SHISA9: variants seen among roughly 807,000 people sequenced by gnomAD.
SHISA9 encodes protein shisa-9.
Under a neutral mutation model 38.0 loss-of-function variants are expected in SHISA9, and 13 were observed. That is an observed-to-expected ratio of 0.34 (90% CI 0.22 to 0.54). The LOEUF (loss-of-function observed/expected upper bound fraction) is 0.54, where lower values mean the gene tolerates loss of function less well. Among genes scored for constraint, SHISA9 ranks in the 20% least tolerant of loss-of-function variants. SHISA9 has a pLI of 0.91. For missense variants in SHISA9, 538 were observed against 575.8 expected (o/e 0.93, Z 0.67); for synonymous variants, 275 against 242.0 (o/e 1.14, Z -1.27).
intron 2 of SHISA9, among the ~76,000 whole-genome samples, chr16:13,085,006 G>A (rs1370595885): frequency 2.0e-5 from 3 of 152,130 alleles, no homozygotes; most frequent in Non-Finnish European, 4.4e-5. Flanking sequence ...TTTAATAAAA[G>A]GGAAGACATA....
chr16:13,344,596 T>A, the SHISA9 span, among the ~76,000 whole-genome samples: 1 of 152,162 alleles, frequency 6.6e-6, no homozygotes, highest in Non-Finnish European at 1.5e-5. Flanking sequence ...TTGATAATAA[T>A]GATAACAGTA....
intron 4 of SHISA9, among the ~76,000 whole-genome samples, chr16:13,234,759 G>C (rs934437798): frequency 2.6e-5 from 4 of 152,118 alleles, no homozygotes; most frequent in African/African-American, 2.4e-5. Flanking sequence ...GTGGGACTGT[G>C]GGGGGAGAAG....
At chr16:12,999,930 AC>A (rs1949681877) in intron 2 of SHISA9, among the ~76,000 whole-genome samples, 1 of 152,212 alleles carries the variant, frequency 6.6e-6, no homozygotes, top group Non-Finnish European at 1.5e-5. Flanking sequence ...GCTGGGAAAT[AC>A]AGTTATTCAG....
chr16:13,320,578 G>T, the SHISA9 span, among the ~76,000 whole-genome samples: 4 of 152,314 alleles, frequency 2.6e-5, no homozygotes, highest in Admixed American at 1.3e-4. Context: ...TGTAGTTGCT[G>T]ATGAATACAG....
intron 2 of SHISA9, among the ~76,000 whole-genome samples, chr16:13,093,065 T>C (rs1314679316): frequency 6.6e-6 from 1 of 152,204 alleles, no homozygotes; most frequent in Non-Finnish European, 1.5e-5. Flanking sequence ...TGATCTGGTA[T>C]GGAAAGGAAT....
the SHISA9 span, among the ~76,000 whole-genome samples, chr16:13,492,776 T>G: frequency 6.6e-6 from 1 of 152,206 alleles, no homozygotes; most frequent in Non-Finnish European, 1.5e-5. Flanking sequence ...AGCAGAATGT[T>G]TTGACCTTTC....
intron 4 of SHISA9, among the ~76,000 whole-genome samples, chr16:13,228,486 C>G (rs935545462): frequency 2.0e-5 from 3 of 152,156 alleles, no homozygotes; most frequent in Admixed American, 2.0e-4. Context: ...GAAACAGGAA[C>G]CATTGAATGC....
the SHISA9 span, among the ~76,000 whole-genome samples, chr16:13,307,982 C>G: frequency 6.6e-6 from 1 of 152,196 alleles, no homozygotes. Context: ...CGCATATATT[C>G]TGAGTGCCAT....
chr16:13,212,896 C>A (rs1175998543), intron 3 of SHISA9, among the ~76,000 whole-genome samples: 2 of 152,176 alleles, frequency 1.3e-5, no homozygotes, highest in African/African-American at 4.8e-5. Context: ...AAGGTGAGCT[C>A]ATATAACTCA....
At chr16:13,356,806 C>T in the SHISA9 span, among the ~76,000 whole-genome samples, 1 of 152,212 alleles carries the variant, frequency 6.6e-6, no homozygotes, top group African/African-American at 2.4e-5. Flanking sequence ...ACGTCAGGCA[C>T]CTCAGACCGT....
chr16:12,975,176 A>G (rs1379846653), intron 2 of SHISA9, among the ~76,000 whole-genome samples: 1 of 152,184 alleles, frequency 6.6e-6, no homozygotes, highest in South Asian at 2.1e-4. Flanking sequence ...AACTGTACCC[A>G]GTGGAAGAGG....
chr16:12,930,410 A>G (rs561153255), intron 2 of SHISA9, among the ~76,000 whole-genome samples: 1 of 152,364 alleles, frequency 6.6e-6, no homozygotes, highest in East Asian at 1.9e-4. Flanking sequence ...TACATATTCC[A>G]GCATTACCTG....
chr16:13,422,364 A>G, the SHISA9 span, among the ~76,000 whole-genome samples: 1 of 152,190 alleles, frequency 6.6e-6, no homozygotes, highest in African/African-American at 2.4e-5. Context: ...ACATTCACAT[A>G]GCCTGGAGAA....
At chr16:12,978,693 C>T (rs1002532562) in intron 2 of SHISA9, among the ~76,000 whole-genome samples, 20 of 152,166 alleles carry the variant, frequency 1.3e-4, no homozygotes, top group African/African-American at 4.3e-4. Flanking sequence ...TTGACATCAT[C>T]GTAGACCATT....
At chr16:13,021,393 G>T (rs1343969669) in intron 2 of SHISA9, among the ~76,000 whole-genome samples, 1 of 152,196 alleles carries the variant, frequency 6.6e-6, no homozygotes, top group African/African-American at 2.4e-5. Flanking sequence ...TGCTCTAGAA[G>T]TTCTCCTGAG....
chr16:13,328,591 TACACACACACACACACACACAC>T, the SHISA9 span, among the ~76,000 whole-genome samples: 5 of 139,968 alleles, frequency 3.6e-5, no homozygotes, highest in Admixed American at 7.3e-5. Context: ...TATATGTGTA[TACACACACACACACACACACAC>T]ACACACACAC....
chr16:13,119,434 G>C (rs1419374697), intron 2 of SHISA9, among the ~76,000 whole-genome samples: 1 of 152,094 alleles, frequency 6.6e-6, no homozygotes, highest in Non-Finnish European at 1.5e-5. Flanking sequence ...TCTTTCAGTA[G>C]ATTGTTTATG....
the SHISA9 span, among the ~76,000 whole-genome samples, chr16:13,528,696 C>A: frequency 6.6e-6 from 1 of 152,186 alleles, no homozygotes; most frequent in Non-Finnish European, 1.5e-5. Context: ...TCCCCTGTTC[C>A]AGCACCAGTT....
At chr16:13,014,700 C>CA (rs2072720538) in intron 2 of SHISA9, among the ~76,000 whole-genome samples, 1 of 152,188 alleles carries the variant, frequency 6.6e-6, no homozygotes, top group South Asian at 2.1e-4. Flanking sequence ...AATTCTGAGC[C>CA]GGGGGTGGAA....
Sources: gnomAD v4.1 joint callset for allele counts (sites outside exome capture counted in the v4.1 genomes callset) on GRCh38, gnomAD v4.1.1 for gene constraint, MANE v1.5 for transcripts, NCBI Gene and HGNC (gene_info 2026-07-23, HGNC 2026-07-21) for gene names.